CPNE4: variants seen among roughly 807,000 people sequenced by gnomAD.
CPNE4 encodes the protein copine-4.
Under a neutral mutation model 67.9 loss-of-function variants are expected in CPNE4, and 25 were observed. The ratio of observed to expected loss-of-function variants is 0.37; its 90% CI spans 0.27 to 0.51. The LOEUF (loss-of-function observed/expected upper bound fraction) is 0.51. Among genes scored for constraint, CPNE4 ranks in the 20% least tolerant of loss-of-function variants. The pLI, the probability that CPNE4 is intolerant of heterozygous loss-of-function variation, is 0.93. For missense variants in CPNE4, 464 were observed against 690.8 expected (o/e 0.67, Z 3.68); for synonymous variants, 242 against 244.9 (o/e 0.99, Z 0.11).
intron 2 of CPNE4, among the ~76,000 whole-genome samples, chr3:131,740,008 C>T (rs563887799): frequency 8.5e-5 from 13 of 152,216 alleles, no homozygotes; most frequent in Non-Finnish European, 1.8e-4. Flanking sequence ...GGAAGAGATA[C>T]CTCTTATCTT....
At chr3:131,834,337 A>G (rs1242521951) in intron 2 of CPNE4, among the ~76,000 whole-genome samples, 7 of 151,848 alleles carry the variant, frequency 4.6e-5, no homozygotes, top group Admixed American at 2.0e-4. Flanking sequence ...ATTCCTTTAG[A>G]TGTGGATTGG....
intron 2 of CPNE4, among the ~76,000 whole-genome samples, chr3:131,754,635 C>T (rs762704992): frequency 6.6e-6 from 1 of 152,038 alleles, no homozygotes; most frequent in Non-Finnish European, 1.5e-5. Flanking sequence ...CATTTAGGGA[C>T]CATGTTGTAT....
intron 2 of CPNE4, among the ~76,000 whole-genome samples, chr3:131,868,984 T>C (rs888412396): frequency 6.6e-6 from 1 of 152,178 alleles, no homozygotes; most frequent in Non-Finnish European, 1.5e-5. Flanking sequence ...TCAGAAATGT[T>C]AGGCAAATGA....
chr3:131,837,378 T>C (rs1409458806), intron 2 of CPNE4, among the ~76,000 whole-genome samples: 1 of 152,130 alleles, frequency 6.6e-6, no homozygotes, highest in Non-Finnish European at 1.5e-5. Flanking sequence ...GACAAACTAT[T>C]GATACCCAAA....
chr3:131,703,618 A>G (rs1468900968), intron 3 of CPNE4, among the ~76,000 whole-genome samples: 2 of 152,246 alleles, frequency 1.3e-5, no homozygotes, highest in Non-Finnish European at 2.9e-5. Context: ...GTATTTCAAC[A>G]AGTTTATATT....
At chr3:131,889,127 TA>T (rs1001896241) in intron 2 of CPNE4, among the ~76,000 whole-genome samples, 1 of 152,182 alleles carries the variant, frequency 6.6e-6, no homozygotes, top group African/African-American at 2.4e-5. Context: ...AAGTAATTCA[TA>T]AGCATCATCT....
chr3:131,745,929 G>T, intron 2 of CPNE4, among the ~76,000 whole-genome samples: 1 of 151,978 alleles, frequency 6.6e-6, no homozygotes, highest in Non-Finnish European at 1.5e-5. Context: ...ATATCTTGCT[G>T]GTATTTTTAT....
intron 1 of CPNE4, among the ~76,000 whole-genome samples, chr3:131,975,746 C>T (rs1006755148): frequency 2.0e-5 from 3 of 152,148 alleles, no homozygotes; most frequent in African/African-American, 4.8e-5. Context: ...GTTCTTAGCA[C>T]TTCTGTTTGT....
chr3:131,706,771 AC>A (rs1001408585), intron 3 of CPNE4, among the ~76,000 whole-genome samples: 1 of 151,964 alleles, frequency 6.6e-6, no homozygotes, highest in African/African-American at 2.4e-5. Flanking sequence ...GGTCTCACCA[AC>A]CCCGTATCTT....
chr3:131,598,355 T>A (rs371871882), intron 7 of CPNE4, among the ~76,000 whole-genome samples: 1 of 152,262 alleles, frequency 6.6e-6, no homozygotes, highest in East Asian at 1.9e-4. Flanking sequence ...TATCTCTTTT[T>A]CAATCTTTGT....
chr3:131,683,263 T>A (rs566076329), intron 6 of CPNE4, among the ~76,000 whole-genome samples: 2 of 152,288 alleles, frequency 1.3e-5, no homozygotes, highest in Admixed American at 1.3e-4. Context: ...AGCCACCATG[T>A]CTCTGTGTTT....
At position 131,708,859 on chromosome 3, in the gene CPNE4, G is replaced by C. The variant is rs996754517; in HGVS notation, c.361-8879C>G. On this transcript the variant is annotated intron_variant, in intron 3 of 15. Coordinates refer to ENST00000429747, the MANE Select transcript of CPNE4 (RefSeq NM_130808.3). The stretch of plus-strand genomic sequence containing the variant: ...TAAGTTGCTACAGTTTTTCTTTGGG[G>C]ATATTTGGCAGTTTATAGCAAGGAC... Among the ~76,000 whole-genome samples, 4 of 150,610 alleles carry C rather than the reference G, an allele frequency of 2.7e-5. No homozygotes were observed. The Admixed American group carries it at 2.7e-4, about 10-fold the overall frequency.
intron 1 of CPNE4, among the ~76,000 whole-genome samples, chr3:131,995,652 T>C (rs1176666880): frequency 6.6e-6 from 1 of 152,206 alleles, no homozygotes; most frequent in African/African-American, 2.4e-5. Flanking sequence ...CCATTTAGCC[T>C]GGCGACTGCC....
intron 7 of CPNE4, among the ~76,000 whole-genome samples, chr3:131,639,960 C>G (rs1310550005): frequency 2.6e-5 from 4 of 152,028 alleles, no homozygotes; most frequent in East Asian, 1.9e-4. Flanking sequence ...ATCCAGTATC[C>G]CTTTATGATT....
intron 11 of CPNE4, among the ~76,000 whole-genome samples, chr3:131,560,095 T>C (rs892190000): frequency 1.3e-5 from 2 of 152,076 alleles, no homozygotes; most frequent in African/African-American, 4.8e-5. Flanking sequence ...GTTCAGATCA[T>C]TTTTGAAACA....
intron 2 of CPNE4, among the ~76,000 whole-genome samples, chr3:131,807,940 G>C (rs2084379536): frequency 6.6e-6 from 1 of 152,134 alleles, no homozygotes; most frequent in Non-Finnish European, 1.5e-5. Flanking sequence ...ATGAATGAAT[G>C]ACAAAGGCAA....
intron 3 of CPNE4, among the ~76,000 whole-genome samples, chr3:131,706,515 C>T (rs967165589): frequency 6.6e-6 from 1 of 152,200 alleles, no homozygotes; most frequent in Non-Finnish European, 1.5e-5. Context: ...CCCTGACCAT[C>T]TGAATGGATT....
intron 7 of CPNE4, among the ~76,000 whole-genome samples, chr3:131,600,829 G>A (rs921746546): frequency 1.3e-5 from 2 of 152,082 alleles, no homozygotes; most frequent in East Asian, 1.9e-4. Context: ...AGACTTTGTC[G>A]CACCATTTAC....
chr3:131,756,799 A>T (rs551798528), intron 2 of CPNE4, among the ~76,000 whole-genome samples: 1 of 152,324 alleles, frequency 6.6e-6, no homozygotes. Flanking sequence ...TATCTCCCAG[A>T]ATTCCCACGT....
Sources: allele counts gnomAD v4.1 joint callset (sites outside exome capture counted in the v4.1 genomes callset), GRCh38; gene constraint gnomAD v4.1.1; transcripts MANE v1.5; gene names NCBI Gene and HGNC (gene_info 2026-07-23, HGNC 2026-07-21).